The following GALNTL6 variants were observed in gnomAD, a reference collection of about 807,000 sequenced individuals.
GALNTL6 encodes polypeptide N-acetylgalactosaminyltransferase-like 6.
GALNTL6 carries 46 observed loss-of-function variants against 73.7 expected under a neutral mutation model. The ratio of observed to expected loss-of-function variants is 0.62; its 90% CI spans 0.49 to 0.80. The LOEUF (loss-of-function observed/expected upper bound fraction) is 0.80, where lower values mean the gene tolerates loss of function less well. GALNTL6 is among the 30% of genes least tolerant of loss of function. The probability of loss-of-function intolerance (pLI) is 0.00; values close to 1 mark genes in which losing one functional copy is unlikely to be tolerated. For missense variants in GALNTL6, 604 were observed against 755.0 expected (o/e 0.80, Z 2.34); for synonymous variants, 259 against 263.7 (o/e 0.98, Z 0.17).
chr4:172,013,849 C>G (rs113924743), intron 2 of GALNTL6, among the ~76,000 whole-genome samples: 51 of 132,094 alleles, frequency 3.9e-4, no homozygotes, highest in African/African-American at 1.3e-3. Context: ...CTAATCCCCA[C>G]CCCCCAGCTC....
chr4:172,086,378 A>G (rs1490785015), intron 2 of GALNTL6, among the ~76,000 whole-genome samples: 1 of 152,148 alleles, frequency 6.6e-6, no homozygotes, highest in African/African-American at 2.4e-5. Context: ...AACTATTTTT[A>G]AGAATAATCA....
At chr4:172,649,476 G>GTAT (rs1256933043) in intron 5 of GALNTL6, among the ~76,000 whole-genome samples, 1 of 152,160 alleles carries the variant, frequency 6.6e-6, no homozygotes, top group Non-Finnish European at 1.5e-5. Context: ...GAAACTGCCT[G>GTAT]TATTTCTATT....
intron 3 of GALNTL6, among the ~76,000 whole-genome samples, chr4:172,298,232 A>G (rs1001908926): frequency 1.3e-5 from 2 of 152,202 alleles, no homozygotes; most frequent in Admixed American, 1.3e-4. Context: ...GATGTTGCTC[A>G]TCAGCTTAAG....
chr4:172,787,017 TTTCTA>T (rs1370718242), intron 5 of GALNTL6, among the ~76,000 whole-genome samples: 11 of 152,204 alleles, frequency 7.2e-5, no homozygotes, highest in African/African-American at 2.7e-4. Context: ...CCACAAGGAC[TTTCTA>T]TTCTAGGCTG....
At chr4:172,907,322 G>A (rs961720059) in intron 8 of GALNTL6, among the ~76,000 whole-genome samples, 4 of 151,986 alleles carry the variant, frequency 2.6e-5, no homozygotes, top group Non-Finnish European at 5.9e-5. Context: ...GAAAGTGATG[G>A]TATATTTTAT....
At chr4:171,977,124 C>T (rs1023434527) in intron 2 of GALNTL6, among the ~76,000 whole-genome samples, 1 of 152,054 alleles carries the variant, frequency 6.6e-6, no homozygotes, top group Non-Finnish European at 1.5e-5. Context: ...TAAGCCTTAG[C>T]CTCAAATGGC....
intron 8 of GALNTL6, among the ~76,000 whole-genome samples, chr4:172,899,553 T>C (rs1327460002): frequency 3.3e-5 from 5 of 152,196 alleles, no homozygotes; most frequent in Non-Finnish European, 5.9e-5. Flanking sequence ...ATAGTACTAA[T>C]AACTATAGAA....
At chr4:172,778,496 G>A (rs56408300) in intron 5 of GALNTL6, among the ~76,000 whole-genome samples, 1 of 151,468 alleles carries the variant, frequency 6.6e-6, no homozygotes, top group African/African-American at 2.4e-5. Flanking sequence ...ATTTAGAAGA[G>A]GTGACTTAAT....
chr4:171,883,796 T>A (rs7439628), intron 2 of GALNTL6, among the ~76,000 whole-genome samples: 18 of 151,792 alleles, frequency 1.2e-4, no homozygotes, highest in African/African-American at 3.4e-4. Context: ...TACAGGCGCC[T>A]GCCACCACAC....
At chr4:172,490,778 G>C (rs1289092849) in intron 5 of GALNTL6, among the ~76,000 whole-genome samples, 2 of 152,118 alleles carry the variant, frequency 1.3e-5, no homozygotes, top group Non-Finnish European at 2.9e-5. Flanking sequence ...AGAGTTCAAT[G>C]TCTTTGCTGA....
intron 3 of GALNTL6, among the ~76,000 whole-genome samples, chr4:172,252,067 A>G (rs549481020): frequency 6.6e-6 from 1 of 152,248 alleles, no homozygotes; most frequent in East Asian, 1.9e-4. Context: ...GAAATTGTAG[A>G]CAGGAAGGTT....
intron 3 of GALNTL6, among the ~76,000 whole-genome samples, chr4:172,242,561 C>A (rs907937955): frequency 6.6e-6 from 1 of 152,136 alleles, no homozygotes; most frequent in African/African-American, 2.4e-5. Context: ...ACAGATTATA[C>A]TCTCATCTAA....
intron 5 of GALNTL6, among the ~76,000 whole-genome samples, chr4:172,746,395 T>C (rs1486662496): frequency 6.6e-6 from 1 of 152,130 alleles, no homozygotes; most frequent in East Asian, 1.9e-4. Context: ...GTAACCAAAG[T>C]ATGAAAATTA....
At chr4:172,214,153 C>T (rs1736418924) in intron 2 of GALNTL6, among the ~76,000 whole-genome samples, 2 of 152,098 alleles carry the variant, frequency 1.3e-5, no homozygotes, top group Non-Finnish European at 2.9e-5. Flanking sequence ...GTTCTGTTGA[C>T]CTGTGTGTCT....
intron 3 of GALNTL6, among the ~76,000 whole-genome samples, chr4:172,272,695 T>A (rs1371572928): frequency 6.6e-6 from 1 of 152,228 alleles, no homozygotes; most frequent in East Asian, 1.9e-4. Flanking sequence ...TAGAAAATTA[T>A]ACCTATAAAC....
chr4:172,966,142 A>G (rs1309278784), intron 10 of GALNTL6, among the ~76,000 whole-genome samples: 1 of 152,242 alleles, frequency 6.6e-6, no homozygotes, highest in Non-Finnish European at 1.5e-5. Context: ...GAAAGTTAGC[A>G]TATGTACAAA....
intron 5 of GALNTL6, among the ~76,000 whole-genome samples, chr4:172,393,089 G>A (rs1052650932): frequency 2.6e-5 from 4 of 152,138 alleles, no homozygotes; most frequent in Non-Finnish European, 5.9e-5. Flanking sequence ...GATCTGAGGT[G>A]GAACAGTTTC....
chr4:172,819,559 C>T (rs1305827644), intron 7 of GALNTL6, among the ~76,000 whole-genome samples: 3 of 152,196 alleles, frequency 2.0e-5, no homozygotes, highest in Non-Finnish European at 4.4e-5. Flanking sequence ...GGGTTGCTGA[C>T]TCATCATTCC....
At chr4:172,796,003 A>T (rs943371845) in intron 5 of GALNTL6, among the ~76,000 whole-genome samples, 1 of 151,554 alleles carries the variant, frequency 6.6e-6, no homozygotes, top group African/African-American at 2.4e-5. Context: ...TTAAAAGAAC[A>T]AGTACACTTT....
Sources: gnomAD v4.1 joint callset for allele counts (sites outside exome capture counted in the v4.1 genomes callset) on GRCh38, gnomAD v4.1.1 for gene constraint, MANE v1.5 for transcripts, NCBI Gene and HGNC (gene_info 2026-07-23, HGNC 2026-07-21) for gene names.